Variants in IGSF21 observed in about 807,000 individuals in gnomAD.
IGSF21 encodes immunoglobin superfamily member 21.
Under a neutral mutation model 46.8 loss-of-function variants are expected in IGSF21, and 28 were observed. That is an observed-to-expected ratio of 0.60 (90% CI 0.44 to 0.82). The LOEUF is 0.82. IGSF21 is among the 40% of genes least tolerant of loss of function. The probability of loss-of-function intolerance (pLI) is 0.00; values close to 1 mark genes in which losing one functional copy is unlikely to be tolerated. For synonymous variants in IGSF21, 284 were observed against 273.6 expected, an observed-to-expected ratio of 1.04 and a Z score of -0.38; for missense variants, 624 against 665.5, an observed-to-expected ratio of 0.94 and a Z score of 0.69.
chr1:18,305,370 GATGGATGGATGC>G, intron 3 of IGSF21, among the ~76,000 whole-genome samples: 1 of 150,976 alleles, frequency 6.6e-6, no homozygotes, highest in South Asian at 2.1e-4. Context: ...TGCATGGACG[GATGGATGGATGC>G]ATGGATGGAT....
intron 1 of IGSF21, chr1:18,114,354 CATAGCAGGTG>C (rs1192556687): frequency 5.4e-4 from 82 of 152,356 alleles, no homozygotes; most frequent in African/African-American, 1.8e-3. Flanking sequence ...CCACAAAACA[CATAGCAGGTG>C]CTCAGTCAGG....
chr1:18,275,987 C>T (rs1398890476), intron 2 of IGSF21, among the ~76,000 whole-genome samples: 4 of 152,166 alleles, frequency 2.6e-5, no homozygotes, highest in African/African-American at 9.7e-5. Context: ...CCGCCGTGCC[C>T]ATATCTTTGT....
At chr1:18,121,194 A>G (rs1246361917) in intron 1 of IGSF21, among the ~76,000 whole-genome samples, 2 of 152,124 alleles carry the variant, frequency 1.3e-5, no homozygotes, top group Non-Finnish European at 2.9e-5. Context: ...GGAAGGGAAG[A>G]TACTCTTGAG....
chr1:18,367,090 C>A (rs1033881662), intron 6 of IGSF21, among the ~76,000 whole-genome samples: 6 of 152,176 alleles, frequency 3.9e-5, no homozygotes, highest in Non-Finnish European at 4.4e-5. Flanking sequence ...TACTCCAAAA[C>A]TCCTGTAGTG....
intron 2 of IGSF21, among the ~76,000 whole-genome samples, chr1:18,251,512 C>T (rs1268785711): frequency 6.6e-6 from 1 of 152,152 alleles, no homozygotes; most frequent in African/African-American, 2.4e-5. Flanking sequence ...TCAATATGCA[C>T]AGTTACCATC....
At chr1:18,172,416 T>C (rs924349604) in intron 1 of IGSF21, among the ~76,000 whole-genome samples, 9 of 152,202 alleles carry the variant, frequency 5.9e-5, no homozygotes, top group African/African-American at 2.2e-4. Flanking sequence ...TCATAGACTG[T>C]GTGGCTTAAA....
At chr1:18,313,444 G>T (rs1039096138) in intron 3 of IGSF21, among the ~76,000 whole-genome samples, 10 of 152,162 alleles carry the variant, frequency 6.6e-5, no homozygotes, top group Non-Finnish European at 1.0e-4. Flanking sequence ...TCCATGCCTT[G>T]GTTTCCCCAT....
At chr1:18,332,283 A>G (rs2085720995) in intron 3 of IGSF21, among the ~76,000 whole-genome samples, 1 of 152,016 alleles carries the variant, frequency 6.6e-6, no homozygotes, top group African/African-American at 2.4e-5. Context: ...TTATTACCTC[A>G]CCTGGAGAGC....
chr1:18,272,187 T>A (rs1187059239), intron 2 of IGSF21, among the ~76,000 whole-genome samples: 1 of 152,088 alleles, frequency 6.6e-6, no homozygotes, highest in African/African-American at 2.4e-5. Context: ...AAAACCATCA[T>A]CTCTCGTGAG....
At chr1:18,227,862 C>G (rs3738087) in intron 1 of IGSF21, 36 bp from the exon 2 acceptor site, 3 of 1,509,758 alleles carry the variant, frequency 2.0e-6, no homozygotes, top group South Asian at 2.3e-5. Flanking sequence ...CTGATCTGCT[C>G]GTGCCCTTAC....
intron 3 of IGSF21, among the ~76,000 whole-genome samples, chr1:18,312,699 A>G (rs961404129): frequency 6.6e-6 from 1 of 152,234 alleles, no homozygotes; most frequent in Non-Finnish European, 1.5e-5. Context: ...TTGTGATTAT[A>G]TTAGATCCTT....
chr1:18,211,734 TTGAG>T (rs1243169164), intron 1 of IGSF21, among the ~76,000 whole-genome samples: 1 of 152,254 alleles, frequency 6.6e-6, no homozygotes, highest in Non-Finnish European at 1.5e-5. Flanking sequence ...ACTGTATTCC[TTGAG>T]TAATAACTAT....
chr1:18,316,379 A>C (rs2085543462), intron 3 of IGSF21, among the ~76,000 whole-genome samples: 1 of 152,144 alleles, frequency 6.6e-6, no homozygotes, highest in Non-Finnish European at 1.5e-5. Flanking sequence ...CCTTCCAGAA[A>C]CCACAGCTGC....
At chr1:18,309,757 G>A (rs1166810798) in intron 3 of IGSF21, among the ~76,000 whole-genome samples, 1 of 152,148 alleles carries the variant, frequency 6.6e-6, no homozygotes, top group Non-Finnish European at 1.5e-5. Context: ...GCTGCGGTCT[G>A]ACAGAGGAAA....
At chr1:18,303,178 G>A (rs927518068) in intron 3 of IGSF21, among the ~76,000 whole-genome samples, 1 of 152,152 alleles carries the variant, frequency 6.6e-6, no homozygotes, top group Admixed American at 6.5e-5. Flanking sequence ...CTCAGGAAAG[G>A]CTCGTTAAAT....
intron 1 of IGSF21, among the ~76,000 whole-genome samples, chr1:18,192,369 C>T (rs1421935594): frequency 6.6e-6 from 1 of 152,232 alleles, no homozygotes; most frequent in East Asian, 1.9e-4. Flanking sequence ...CCCTGTGCCT[C>T]AGTTTTCTCA....
At chr1:18,228,486 A>G (rs1315276754) in intron 2 of IGSF21, among the ~76,000 whole-genome samples, 1 of 152,178 alleles carries the variant, frequency 6.6e-6, no homozygotes, top group Non-Finnish European at 1.5e-5. Flanking sequence ...GTCTGGCACC[A>G]TCTGAGAAGG....
At chr1:18,305,411 TGATGGATGGATA>T (rs1259290432) in intron 3 of IGSF21, among the ~76,000 whole-genome samples, 7 of 146,480 alleles carry the variant, frequency 4.8e-5, no homozygotes, top group Non-Finnish European at 7.5e-5. Flanking sequence ...AATGGATGGA[TGATGGATGGATA>T]GATGGATGGA....
At chr1:18,329,062 A>T (rs1192742264) in intron 3 of IGSF21, among the ~76,000 whole-genome samples, 1 of 152,232 alleles carries the variant, frequency 6.6e-6, no homozygotes, top group African/African-American at 2.4e-5. Context: ...AAGCCTCAGA[A>T]TAGAGACACG....
Sources: gnomAD v4.1 joint callset for allele counts (sites outside exome capture counted in the v4.1 genomes callset) on GRCh38, gnomAD v4.1.1 for gene constraint, MANE v1.5 for transcripts, NCBI Gene and HGNC (gene_info 2026-07-23, HGNC 2026-07-21) for gene names.